Variants in CCDC181 observed in about 807,000 individuals in gnomAD.
CCDC181 encodes the protein coiled-coil domain containing 181, also known as coiled-coil domain-containing protein 181.
In CCDC181, 35 loss-of-function variants were observed where a neutral mutation model predicts 58.7. The observed-to-expected ratio is 0.60, with a 90% CI of 0.46 to 0.79. The LOEUF is 0.79. CCDC181 is among the 30% of genes least tolerant of loss of function. The pLI is 0.00. For missense variants in CCDC181, 517 were observed against 583.9 expected (o/e 0.89, Z 1.18); for synonymous variants, 183 against 197.5 (o/e 0.93, Z 0.62).
chr1:169,443,804 A>G (rs1204992755), intron 2 of CCDC181, among the ~76,000 whole-genome samples: 1 of 152,168 alleles, frequency 6.6e-6, no homozygotes, highest in African/African-American at 2.4e-5. Flanking sequence ...TGCCGTGCTA[A>G]AGCAAAGAAT....
At chr1:169,435,972 C>T (rs1657045397) in intron 2 of CCDC181, among the ~76,000 whole-genome samples, 1 of 152,188 alleles carries the variant, frequency 6.6e-6, no homozygotes, top group South Asian at 2.1e-4. Context: ...AGTCAGAGTT[C>T]CAGTTATCTC....
chr1:169,428,170 A>G (rs1168610457), upstream of CCDC181, among the ~76,000 whole-genome samples: 1 of 152,216 alleles, frequency 6.6e-6, no homozygotes, highest in Non-Finnish European at 1.5e-5. Context: ...GTAAAATTAA[A>G]TTTTTAGATA....
At chr1:169,441,641 G>T (rs758842879) in intron 2 of CCDC181, among the ~76,000 whole-genome samples, 4 of 151,944 alleles carry the variant, frequency 2.6e-5, no homozygotes, top group African/African-American at 7.3e-5. Context: ...GGGTGATTTA[G>T]CAAGAAGTAG....
At chr1:169,395,869 G>A (rs1443308285) in intron 5 of CCDC181, 1 of 134,558 alleles carries the variant, frequency 7.4e-6, no homozygotes, top group Non-Finnish European at 1.6e-5. Flanking sequence ...ACATACACCT[G>A]GTTTTGTTGT....
At chr1:169,404,596 G>A (rs939069311) in intron 4 of CCDC181, among the ~76,000 whole-genome samples, 7 of 152,074 alleles carry the variant, frequency 4.6e-5, no homozygotes, top group Admixed American at 2.0e-4. Flanking sequence ...AAAGGCCTTC[G>A]AAAAAATTCA....
chr1:169,421,335 T>G, intron 3 of CCDC181, 28 bp downstream of exon 3: 1 of 1,512,626 alleles, frequency 6.6e-7, no homozygotes, highest in Non-Finnish European at 9.0e-7. Flanking sequence ...TACTCTACTT[T>G]TAATATAATG....
chr1:169,395,075 G>C lies in CCDC181; in HGVS notation c.1502C>G (p.Pro501Arg), dbSNP rs781230083. 6.2e-7 allele frequency: 1 copy of C among 1,606,414 alleles called. No homozygotes were observed. The highest frequency in any genetic ancestry group is 8.5e-7 in the Non-Finnish European group (1 of 1,177,184). ...GTTATAATGATCAGTAAAACGAAAA[G>C]GTTTGGCTTCTGACATATATAGGTG... is the stretch of plus-strand genomic sequence containing the variant. ...QHHLYMSEAK[P>R]FRFTDHYN Residue 501 changes from proline to arginine, a missense_variant, in exon 6 of 6, where the codon CCT becomes CGT. Coordinates refer to ENST00000367806, the MANE Select transcript of CCDC181 (RefSeq NM_001300969.2).
At chr1:169,447,356 A>T (rs555783013) in intron 2 of CCDC181, among the ~76,000 whole-genome samples, 1 of 152,150 alleles carries the variant, frequency 6.6e-6, no homozygotes, top group East Asian at 1.9e-4. Flanking sequence ...CAGGTGATCC[A>T]CCCGCCTCAG....
At chr1:169,395,242 C>G (rs1319861229) in intron 5 of CCDC181, 36 bp from the exon 6 acceptor site, 1 of 1,567,664 alleles carries the variant, frequency 6.4e-7, no homozygotes, top group East Asian at 2.3e-5. Context: ...TGGTGAGTAT[C>G]AACCTGAATA....
At chr1:169,442,440 C>A (rs998230771) in intron 2 of CCDC181, among the ~76,000 whole-genome samples, 5 of 151,982 alleles carry the variant, frequency 3.3e-5, no homozygotes, top group African/African-American at 1.2e-4. Flanking sequence ...GTGAAAATCT[C>A]TCACAGTCCT....
In CCDC181 at chr1:169,421,507, T is replaced by C; in HGVS notation, c.924A>G (p.Ser308=). The stretch of plus-strand genomic sequence containing the variant: ...ATTTCCCATTCCCTTTACTTCGATC[T>C]GAGTTGACAGCAGAGCTTGGACAAG... ...RKTCPSSAVN[S]DRSKGNGKSN... is the part of the protein sequence containing the mutation. The change falls in exon 3 of 6, where the codon TCA becomes TCG. Residue 308 remains serine, a synonymous_variant. Transcript: ENST00000367806. 6.2e-7 allele frequency: 1 copy of C among 1,614,146 alleles called. No individual in the cohort carries two copies. Among genetic ancestry groups the C allele is most frequent in the Non-Finnish European group, 8.5e-7 (1 of 1,180,014 alleles).
intron 4 of CCDC181, among the ~76,000 whole-genome samples, chr1:169,407,787 A>T (rs1388217797): frequency 6.6e-6 from 1 of 152,192 alleles, no homozygotes; most frequent in East Asian, 1.9e-4. Context: ...GGGTGAGCCG[A>T]GGCAGGGTGA....
intron 4 of CCDC181, among the ~76,000 whole-genome samples, chr1:169,403,407 A>G (rs1478573553): frequency 1.3e-5 from 2 of 152,200 alleles, no homozygotes; most frequent in Non-Finnish European, 2.9e-5. Flanking sequence ...CACATAGGTG[A>G]AAGTAAAGCA....
chr1:169,446,346 A>C (rs879598634), intron 2 of CCDC181, among the ~76,000 whole-genome samples: 2 of 152,170 alleles, frequency 1.3e-5, no homozygotes, highest in Admixed American at 1.3e-4. Flanking sequence ...TGGGAGGCTG[A>C]GACAGGAGAA....
chr1:169,429,574 A>G (rs1177322212), upstream of CCDC181, among the ~76,000 whole-genome samples: 1 of 151,874 alleles, frequency 6.6e-6, no homozygotes, highest in African/African-American at 2.4e-5. Context: ...GCATTTTTTC[A>G]TCTCTTTATT....
At chr1:169,405,605 T>C (rs986065479) in intron 4 of CCDC181, among the ~76,000 whole-genome samples, 6 of 152,220 alleles carry the variant, frequency 3.9e-5, no homozygotes, top group Non-Finnish European at 2.9e-5. Context: ...GCTAGCCATA[T>C]GTAGAAAGCT....
chr1:169,436,149 C>G (rs1447838762), intron 2 of CCDC181, among the ~76,000 whole-genome samples: 3 of 152,012 alleles, frequency 2.0e-5, no homozygotes, highest in African/African-American at 7.2e-5. Context: ...AATTCCCAGC[C>G]CAGAAATTAG....
chr1:169,453,691 C>A (rs899310677), intron 2 of CCDC181, among the ~76,000 whole-genome samples: 1 of 148,916 alleles, frequency 6.7e-6, no homozygotes, highest in African/African-American at 2.5e-5. Flanking sequence ...CTCCACACTT[C>A]TCACTTTTCA....
intron 2 of CCDC181, among the ~76,000 whole-genome samples, chr1:169,457,689 G>T (rs555079258): frequency 6.6e-6 from 1 of 152,124 alleles, no homozygotes; most frequent in Admixed American, 6.5e-5. Context: ...ATCTTTAACT[G>T]TATTTAATCT....
Sources: allele counts gnomAD v4.1 joint callset (sites outside exome capture counted in the v4.1 genomes callset), GRCh38; gene constraint gnomAD v4.1.1; transcripts MANE v1.5; gene names NCBI Gene and HGNC (gene_info 2026-07-23, HGNC 2026-07-21).